The following NLRP12 variants were observed in gnomAD, a reference collection of about 807,000 sequenced individuals.
NLRP12 encodes NACHT, LRR and PYD domains-containing protein 12.
NLRP12 carries 108 observed loss-of-function variants against 91.2 expected under a neutral mutation model. That is an observed-to-expected ratio of 1.18 (90% CI 1.01 to 1.39). The LOEUF (loss-of-function observed/expected upper bound fraction) is 1.39, where lower values mean the gene tolerates loss of function less well. Ranked by LOEUF, NLRP12 falls within the 40% of genes most tolerant of loss-of-function variation. The pLI is 0.00. For synonymous variants in NLRP12, 613 were observed against 566.7 expected, an observed-to-expected ratio of 1.08 and a Z score of -1.16; for missense variants, 1,530 against 1,352.7, an observed-to-expected ratio of 1.13 and a Z score of -2.06.
In NLRP12 at chr19:53,809,860, T is replaced by C; in HGVS notation, c.1799A>G (p.Gln600Arg). ...CTGCTGCAGGGTGGAGCCGTCGCTCTGAGCTTTGCTTTGGATCCACTGCAA... is the reference window on the plus strand; with the variant it reads ...CTGCTGCAGGGTGGAGCCGTCGCTCCGAGCTTTGCTTTGGATCCACTGCAA... ...DLLQWIQSKAQSDGSTLQQGS... is the reference protein window; with the variant it reads ...DLLQWIQSKARSDGSTLQQGS... The change falls in exon 3 of 10, where the codon CAG (glutamine) becomes CGG (arginine). Residue 600 changes from glutamine to arginine, a missense_variant. By Grantham distance (43) the Gln-to-Arg change is conservative. Coordinates refer to ENST00000324134, the MANE Select transcript of NLRP12 (RefSeq NM_144687.4). 1 of 1,614,134 alleles carries C rather than the reference T, an allele frequency of 6.2e-7. No individual in the cohort carries two copies. Among genetic ancestry groups the C allele is most frequent in the Non-Finnish European group, 8.5e-7 (1 of 1,180,028 alleles).
intron 8 of NLRP12, among the ~76,000 whole-genome samples, chr19:53,797,295 C>T (rs970495228): frequency 8.7e-4 from 132 of 152,174 alleles, no homozygotes; most frequent in African/African-American, 3.1e-3. Context: ...CCACGCCAGG[C>T]TAATTTTTGT....
chr19:53,813,503 C>T (rs966362450), intron 2 of NLRP12, among the ~76,000 whole-genome samples: 3 of 151,668 alleles, frequency 2.0e-5, no homozygotes, highest in East Asian at 2.0e-4. Context: ...AAGGTTTCAC[C>T]GTGTTAGCCA....
chr19:53,814,786 T>C lies in NLRP12; in HGVS notation c.370+122A>G. 3 of 810,802 alleles carry C rather than the reference T, an allele frequency of 3.7e-6. 1 individual carries two copies. Among genetic ancestry groups the C allele is most frequent in the South Asian group, 2.7e-5 (2 of 72,770 alleles). The allele number at this position is 810,802 out of a possible 1,614,324, so 50.2% of individuals were successfully genotyped here. A position where few individuals can be genotyped will look rare whatever the true frequency, so the allele number is the denominator to read the frequency against. ...TGAAACACAGGAGGAAACTGCCCCT[T>C]TGATGGTGTCATTAATCCACCCCAC... On this transcript the variant is annotated intron_variant, in intron 2 of 9. Transcript: ENST00000324134.
intron 2 of NLRP12, 32 bp from the exon 3 acceptor site, chr19:53,811,320 A>G: frequency 6.2e-7 from 1 of 1,612,426 alleles, no homozygotes; most frequent in Non-Finnish European, 8.5e-7. Context: ...TTTGTGGAAG[A>G]CTCATCAGCA....
chr19:53,815,866 T>C (rs993341363), intron 1 of NLRP12, among the ~76,000 whole-genome samples: 16 of 151,844 alleles, frequency 1.1e-4, no homozygotes, highest in African/African-American at 2.2e-4. Flanking sequence ...CAACTCGGCC[T>C]CCCAAAGTGC....
At position 53,811,193 on chromosome 19, in the gene NLRP12, G is replaced by T. The variant is rs145803984; in HGVS notation, c.466C>A (p.Arg156=). Residue 156 remains arginine (R), a synonymous_variant, in exon 3 of 10, where the codon CGG becomes AGG. Coordinates refer to ENST00000324134, the MANE Select transcript of NLRP12 (RefSeq NM_144687.4). ...TTCACCAGCAGGAGCCGGGTGTACC[G>T]GTGGCTGAGGTTGACACATTCCCCT... The part of the protein sequence containing the change: ...RLGECVNLSH[R]YTRLLLVKEH... 10 of 1,613,976 alleles carry T rather than the reference G, an allele frequency of 6.2e-6. No homozygotes were observed. In the African/African-American group the frequency reaches 1.3e-4, roughly 22 times the overall value.
At position 53,798,814 on chromosome 19, in the gene NLRP12, TCAC is replaced by T. The variant is rs1261388518; in HGVS notation, c.2757-404_2757-402del. Reference sequence around the variant, plus strand: ...TGGAGTGCAATGGTGCAATCTCGGCTCACTGCAACCTCCACCTCACAAGCTCAA... The same window carrying T: ...TGGAGTGCAATGGTGCAATCTCGGCTTGCAACCTCCACCTCACAAGCTCAA... On this transcript the variant is annotated intron_variant, in intron 7 of 9. Transcript: ENST00000324134. Among the ~76,000 whole-genome samples, 5 of 152,240 alleles carry T rather than the reference TCAC, an allele frequency of 3.3e-5. No homozygotes were observed. The East Asian group carries it at 9.7e-4, about 29-fold the overall frequency.
intron 7 of NLRP12, among the ~76,000 whole-genome samples, chr19:53,800,570 C>A (rs183068861): frequency 1.4e-5 from 2 of 139,248 alleles, no homozygotes; most frequent in East Asian, 4.0e-4. Flanking sequence ...AAGGGCCGTG[C>A]GTCAGAAAAC....
intron 7 of NLRP12, among the ~76,000 whole-genome samples, chr19:53,799,636 CCAT>C (rs2091834285): frequency 3.3e-5 from 5 of 151,998 alleles, no homozygotes; most frequent in African/African-American, 1.2e-4. Context: ...GCGTCCGCCA[CCAT>C]GCCTGGCTAA....
At chr19:53,796,825 G>A (rs987899821) in intron 8 of NLRP12, among the ~76,000 whole-genome samples, 2 of 151,680 alleles carry the variant, frequency 1.3e-5, no homozygotes, top group East Asian at 4.0e-4. Context: ...GAGAAACCCC[G>A]TCTCTACTAA....
intron 1 of NLRP12, among the ~76,000 whole-genome samples, chr19:53,820,589 G>A (rs1187574595): frequency 1.3e-5 from 2 of 152,088 alleles, no homozygotes; most frequent in Admixed American, 1.3e-4. Flanking sequence ...CACACCTGTA[G>A]TTCCAGCTGT....
intron 6 of NLRP12, 128 bp from the exon 7 acceptor site, chr19:53,801,525 C>T: frequency 7.9e-7 from 1 of 1,270,676 alleles, no homozygotes; most frequent in South Asian, 1.4e-5. Context: ...AATCTCGGCT[C>T]AGCTGCATCC....
At chr19:53,815,420 G>A (rs570141609) in intron 1 of NLRP12, among the ~76,000 whole-genome samples, 2 of 151,812 alleles carry the variant, frequency 1.3e-5, no homozygotes, top group East Asian at 1.9e-4. Context: ...GTAGAGACGG[G>A]GTTTCACTAT....
At chr19:53,821,962 C>A (rs575442987) in intron 1 of NLRP12, among the ~76,000 whole-genome samples, 4 of 152,066 alleles carry the variant, frequency 2.6e-5, no homozygotes. Flanking sequence ...GTAACATGGA[C>A]GCAGCTGGAG....
intron 1 of NLRP12, 144 bp from the exon 2 acceptor site, chr19:53,815,132 G>A: frequency 1.4e-6 from 1 of 706,940 alleles, no homozygotes; most frequent in South Asian, 1.5e-5. Context: ...CATAGGCCGT[G>A]TGTGGGAAAT....
At chr19:53,823,120 T>C (rs1054498530) in intron 1 of NLRP12, among the ~76,000 whole-genome samples, 1 of 149,090 alleles carries the variant, frequency 6.7e-6, no homozygotes, top group African/African-American at 2.5e-5. Flanking sequence ...CACATATATA[T>C]ACACATATAT....
chr19:53,809,622 C>T lies in NLRP12; in HGVS notation c.2037G>A (p.Arg679=). Residue 679 remains arginine, a synonymous_variant, in exon 3 of 10, where the codon AGG becomes AGA. Coordinates refer to ENST00000324134, the MANE Select transcript of NLRP12 (RefSeq NM_144687.4). The stretch of plus-strand genomic sequence containing the variant: ...ACAGCGTGTGCGCTCCTGCGGAGCA[C>T]CTCGCGCGGTCTTCCCCGTCCGCGC... ...TYSADGEDRA[R]CSAGAHTLLV... 5 of 1,613,478 alleles carry T rather than the reference C, an allele frequency of 3.1e-6. No individual in the cohort carries two copies. Among genetic ancestry groups the T allele is most frequent in the Non-Finnish European group, 4.2e-6 (5 of 1,179,956 alleles).
chr19:53,795,180 A>AT (rs533934848), intron 9 of NLRP12, among the ~76,000 whole-genome samples: 23 of 151,394 alleles, frequency 1.5e-4, no homozygotes, highest in Non-Finnish European at 2.5e-4. Flanking sequence ...AAGTACTGGG[A>AT]TTACAGGCGC....
At chr19:53,814,863 G>T in intron 2 of NLRP12, 45 bp downstream of exon 2, 1 of 1,513,122 alleles carries the variant, frequency 6.6e-7, no homozygotes, top group Non-Finnish European at 9.2e-7. Context: ...GGGGTCAGCT[G>T]CTCTGTGTAG....
Sources: allele counts gnomAD v4.1 joint callset (sites outside exome capture counted in the v4.1 genomes callset), GRCh38; gene constraint gnomAD v4.1.1; transcripts MANE v1.5; gene names NCBI Gene and HGNC (gene_info 2026-07-23, HGNC 2026-07-21).